The following BAZ1B variants were observed in gnomAD, a reference collection of about 807,000 sequenced individuals.
BAZ1B encodes tyrosine-protein kinase BAZ1B.
In BAZ1B, 22 loss-of-function variants were observed where a neutral mutation model predicts 153.8. The ratio of observed to expected loss-of-function variants is 0.14; its 90% CI spans 0.10 to 0.20. BAZ1B has a LOEUF of 0.20. Among genes scored for constraint, BAZ1B ranks in the 10% least tolerant of loss-of-function variants. The pLI is 1.00. For synonymous variants in BAZ1B, 676 were observed against 633.4 expected, an observed-to-expected ratio of 1.07 and a Z score of -1.01; for missense variants, 1,325 against 1,799.3, an observed-to-expected ratio of 0.74 and a Z score of 4.77.
intron 6 of BAZ1B, among the ~76,000 whole-genome samples, chr7:73,484,350 T>C (rs1383370324): frequency 6.6e-6 from 1 of 151,664 alleles, no homozygotes; most frequent in Admixed American, 6.6e-5. Flanking sequence ...TATAGATAGA[T>C]AGATCAGCCA....
At position 73,444,122 on chromosome 7, in the gene BAZ1B, A is replaced by G. The variant is rs1554565774; in HGVS notation, c.3852T>C (p.Pro1284=). Residue 1284 remains proline (P), a synonymous_variant, in exon 17 of 20, where the codon CCT becomes CCC. Transcript: ENST00000339594. ...TGTGCTTGCCCCGGATGGTCTTTCG[A>G]GGTCTCACTGAAAGAAAAACTATGG... is the stretch of plus-strand genomic sequence containing the variant. ...DYEVAGLRLR[P]RKTIRGKHSV... 6.3e-7 allele frequency: 1 copy of G among 1,595,270 alleles called. No homozygotes were observed. The highest frequency in any genetic ancestry group is 8.5e-7 in the Non-Finnish European group (1 of 1,172,708).
intron 2 of BAZ1B, among the ~76,000 whole-genome samples, chr7:73,509,814 A>C (rs1790502627): frequency 7.2e-6 from 1 of 138,534 alleles, no homozygotes. Context: ...TTAAACTAGC[A>C]AAAAAAAAAA....
At chr7:73,509,614 A>C (rs914819548) in intron 2 of BAZ1B, among the ~76,000 whole-genome samples, 6 of 151,286 alleles carry the variant, frequency 4.0e-5, no homozygotes, top group African/African-American at 1.5e-4. Flanking sequence ...CCAGCTACGT[A>C]AGAGGCTGAG....
chr7:73,510,674 A>G, intron 2 of BAZ1B, 62 bp downstream of exon 2: 1 of 1,466,436 alleles, frequency 6.8e-7, no homozygotes, highest in Non-Finnish European at 9.6e-7. Flanking sequence ...TTTAGGGTTA[A>G]TATTCCCTCC....
chr7:73,514,580 C>G (rs2115594039), intron 1 of BAZ1B, among the ~76,000 whole-genome samples: 1 of 150,444 alleles, frequency 6.6e-6, no homozygotes, highest in South Asian at 2.1e-4. Flanking sequence ...GAGGCCCAGG[C>G]ACGAACATCG....
Position 73,497,023 on chromosome 7 carries a change from G to A in BAZ1B, c.571+1474C>T, listed in dbSNP as rs1265511729. On this transcript the variant is annotated intron_variant, in intron 4 of 19. Transcript: ENST00000339594. ...GCAGGAGGATCGCTTGAACTCACGA[G>A]TACAAGACCAGCCTGAACAACATCG... 8.9e-5 allele frequency among the ~76,000 whole-genome samples: 12 copies of A among 134,368 alleles called. No homozygotes were observed. The Admixed American group carries it at 9.6e-4, about 11-fold the overall frequency. The allele number at this position is 134,368 out of a possible 152,430, so 88.2% of individuals were successfully genotyped here.
chr7:73,494,166 G>C (rs1554576083), intron 4 of BAZ1B, among the ~76,000 whole-genome samples: 1 of 151,980 alleles, frequency 6.6e-6, no homozygotes, highest in East Asian at 1.9e-4. Flanking sequence ...AGGATCACTT[G>C]AGCTCAAGAA....
rs78610146 is a variant in BAZ1B at position 73,479,773 on chromosome 7, T to C, written c.892-1204A>G. On this transcript the variant is annotated intron_variant, in intron 6 of 19. Transcript: ENST00000339594. ...TAGTTCCCTTGTCTCTCTTATTCTA[T>C]TGTATCTACTTGGAAAAACCATAAC... Among the ~76,000 whole-genome samples the C allele has an allele frequency of 4.8e-3, 738 of 152,208 alleles. 8 individuals are homozygous for C. Among genetic ancestry groups the C allele is most frequent in the African/African-American group, 0.017 (709 of 41,528 alleles).
intron 13 of BAZ1B, 131 bp downstream of exon 13, chr7:73,459,405 A>C: frequency 1.1e-6 from 1 of 897,660 alleles, no homozygotes; most frequent in Non-Finnish European, 1.7e-6. Flanking sequence ...AAAAAAAAAC[A>C]CACACACACA....
intron 12 of BAZ1B, chr7:73,462,669 T>C: frequency 2.2e-6 from 1 of 454,598 alleles, no homozygotes; most frequent in South Asian, 2.4e-5. Flanking sequence ...CAGTTTTCAT[T>C]CACCTTAGTA....
intron 4 of BAZ1B, among the ~76,000 whole-genome samples, chr7:73,496,573 GACA>G (rs1263451741): frequency 2.0e-5 from 3 of 152,194 alleles, no homozygotes; most frequent in Non-Finnish European, 4.4e-5. Flanking sequence ...CATTTTTGGA[GACA>G]ACAATAATCA....
At chr7:73,481,516 C>CA (rs55689155) in intron 6 of BAZ1B, among the ~76,000 whole-genome samples, 7,742 of 54,434 alleles carry the variant, frequency 0.14, 388 homozygotes, top group Middle Eastern at 0.3. Context: ...GACTCCATCT[C>CA]AAAAAAAAAA....
chr7:73,451,721 T>A (rs1410502450), intron 13 of BAZ1B, among the ~76,000 whole-genome samples: 4 of 152,232 alleles, frequency 2.6e-5, no homozygotes, highest in African/African-American at 9.6e-5. Context: ...TGTAGATATT[T>A]CAACATCTGC....
intron 6 of BAZ1B, among the ~76,000 whole-genome samples, chr7:73,479,499 C>A (rs985623868): frequency 2.0e-5 from 3 of 148,484 alleles, no homozygotes; most frequent in South Asian, 2.2e-4. Context: ...CAGAGCAAGA[C>A]CCCCGTCTCA....
chr7:73,508,765 G>A (rs1790451597), intron 2 of BAZ1B, among the ~76,000 whole-genome samples: 2 of 152,186 alleles, frequency 1.3e-5, no homozygotes, highest in South Asian at 2.1e-4. Context: ...TGTATTCCCA[G>A]CACTTTGGGA....
At chr7:73,453,715 T>G (rs1788094317) in intron 13 of BAZ1B, among the ~76,000 whole-genome samples, 1 of 152,246 alleles carries the variant, frequency 6.6e-6, no homozygotes, top group African/African-American at 2.4e-5. Context: ...CCAGATGCGG[T>G]GGCTCCTGCC....
intron 6 of BAZ1B, among the ~76,000 whole-genome samples, chr7:73,479,337 C>T (rs1789112343): frequency 6.6e-6 from 1 of 151,644 alleles, no homozygotes; most frequent in African/African-American, 2.4e-5. Flanking sequence ...GGTGAAACCC[C>T]GTCTCTACTA....
In BAZ1B at chr7:73,447,347, C is replaced by T; in HGVS notation, c.3761G>A (p.Ser1254Asn). Residue 1254 changes from serine (S) to asparagine (N), a missense_variant, in exon 16 of 20, where the codon AGT (serine) becomes AAT (asparagine). Around this residue, in one of 9 missense-constraint regions of BAZ1B, gnomAD observed 271 missense variants for 337.2 expected, o/e 0.80. Transcript: ENST00000339594. ...NYTEESASED[S>N]EDDESDEEEE... is the part of the protein sequence containing the mutation. ...CTCTTCATCACTCTCATCATCTTCA[C>T]TGTCCTCAGAAGCAGACTCTTCAGT... is the stretch of plus-strand genomic sequence containing the variant. The T allele has an allele frequency of 1.2e-6, 2 of 1,613,718 alleles. No homozygotes were observed. Among genetic ancestry groups the T allele is most frequent in the South Asian group, 2.2e-5 (2 of 91,056 alleles).
At chr7:73,492,209 C>A (rs1173991118) in intron 5 of BAZ1B, among the ~76,000 whole-genome samples, 2 of 151,986 alleles carry the variant, frequency 1.3e-5, no homozygotes, top group Non-Finnish European at 2.9e-5. Context: ...ATCGCCCAGG[C>A]TGGAGTGCAG....
Sources: gnomAD v4.1 joint callset for allele counts (sites outside exome capture counted in the v4.1 genomes callset) on GRCh38, gnomAD v4.1.1 for gene constraint, gnomAD v4.1.1 regional missense constraint, MANE v1.5 for transcripts, NCBI Gene and HGNC (gene_info 2026-07-23, HGNC 2026-07-21) for gene names.